The following CYB5R4 variants were observed in gnomAD, a reference collection of about 807,000 sequenced individuals.
CYB5R4 encodes the protein cytochrome b5 reductase 4.
Under a neutral mutation model 70.2 loss-of-function variants are expected in CYB5R4, and 55 were observed. That is an observed-to-expected ratio of 0.78 (90% CI 0.63 to 0.98). The LOEUF is 0.98. Ranked by LOEUF, CYB5R4 falls within the 50% of genes least tolerant of loss-of-function variation. CYB5R4 has a pLI of 0.00. For missense variants in CYB5R4, 562 were observed against 612.6 expected (o/e 0.92, Z 0.87); for synonymous variants, 197 against 199.5 (o/e 0.99, Z 0.11).
At position 83,879,059 on chromosome 6, in the gene CYB5R4, A is replaced by G. The variant is rs114204604; in HGVS notation, c.230-14463A>G. Among the ~76,000 whole-genome samples the G allele has an allele frequency of 2.0e-3, 300 of 152,170 alleles. 3 individuals carry two copies. The highest frequency in any genetic ancestry group is 6.6e-3 in the African/African-American group (275 of 41,520). ...GTAGTGGGGGCAGAAGGGGTTTTGC[A>G]GTTTTCCTGTTTCAGCCTCAGTCTT... is the stretch of plus-strand genomic sequence containing the variant. On this transcript the variant is annotated intron_variant, in intron 2 of 15. Coordinates refer to ENST00000369681, the MANE Select transcript of CYB5R4 (RefSeq NM_016230.4).
chr6:83,938,258 A>G (rs956283287), intron 12 of CYB5R4, among the ~76,000 whole-genome samples: 2 of 152,200 alleles, frequency 1.3e-5, no homozygotes, highest in African/African-American at 4.8e-5. Flanking sequence ...AACTTAAGGA[A>G]TGGTATTATA....
At chr6:83,886,143 A>G (rs531693787) in intron 2 of CYB5R4, among the ~76,000 whole-genome samples, 7 of 152,290 alleles carry the variant, frequency 4.6e-5, no homozygotes, top group Admixed American at 2.6e-4. Context: ...AAGAGTCCCA[A>G]TGCAGTATAG....
intron 1 of CYB5R4, among the ~76,000 whole-genome samples, chr6:83,861,298 C>T (rs1015124947): frequency 6.6e-6 from 1 of 152,198 alleles, no homozygotes; most frequent in African/African-American, 2.4e-5. Flanking sequence ...AAAAGTCAGA[C>T]TCCAGTCTTC....
intron 14 of CYB5R4, among the ~76,000 whole-genome samples, chr6:83,952,492 G>A (rs925668998): frequency 4.6e-5 from 7 of 152,046 alleles, no homozygotes; most frequent in African/African-American, 1.7e-4. Context: ...TTCTTGGAGC[G>A]GGAAAATAAA....
chr6:83,891,483 G>GGAAGGAGAGAAAGAGC (rs1478067512), intron 2 of CYB5R4, among the ~76,000 whole-genome samples: 2 of 152,176 alleles, frequency 1.3e-5, no homozygotes, highest in African/African-American at 4.8e-5. Flanking sequence ...AGGGAGATAA[G>GGAAGGAGAGAAAGAGC]GAAGGAGAGA....
intron 4 of CYB5R4, chr6:83,910,038 T>C (rs1240541276): frequency 1.3e-5 from 21 of 1,612,228 alleles, no homozygotes; most frequent in Non-Finnish European, 1.6e-5. Context: ...CTGGTACGCA[T>C]GCATTGGACA....
At chr6:83,948,701 G>A (rs1411286619) in intron 14 of CYB5R4, among the ~76,000 whole-genome samples, 2 of 152,084 alleles carry the variant, frequency 1.3e-5, no homozygotes, top group Non-Finnish European at 2.9e-5. Flanking sequence ...TAATTGTTAA[G>A]GAAAGTGTTG....
At chr6:83,893,361 A>G (rs962179896) in intron 2 of CYB5R4, among the ~76,000 whole-genome samples, 161 bp from the exon 3 acceptor site, 1 of 152,232 alleles carries the variant, frequency 6.6e-6, no homozygotes, top group African/African-American at 2.4e-5. Context: ...TGCAAGTGTG[A>G]TGAAATCTCA....
chr6:83,929,616 G>C (rs1010764758), intron 10 of CYB5R4: 2 of 151,862 alleles, frequency 1.3e-5, no homozygotes, highest in African/African-American at 4.8e-5. Flanking sequence ...GAGTAGCTCT[G>C]GGGGGTGTGT....
chr6:83,919,348 G>A (rs1376893709), intron 6 of CYB5R4, 49 bp from the exon 7 acceptor site: 2 of 976,288 alleles, frequency 2.0e-6, no homozygotes, highest in Middle Eastern at 2.1e-4. Context: ...ATATGTGAAT[G>A]CACATGATTG....
chr6:83,860,701 A>G (rs2099455798), intron 1 of CYB5R4, among the ~76,000 whole-genome samples: 3 of 151,792 alleles, frequency 2.0e-5, no homozygotes, highest in Non-Finnish European at 2.9e-5. Flanking sequence ...ATCGTTTGGA[A>G]CCCTTATCGA....
At chr6:83,944,264 G>A (rs2099470228) in intron 14 of CYB5R4, among the ~76,000 whole-genome samples, 1 of 152,174 alleles carries the variant, frequency 6.6e-6, no homozygotes, top group Non-Finnish European at 1.5e-5. Context: ...AACCAGAAGA[G>A]ATTGGGGGCC....
chr6:83,929,982 C>T (rs1441071709), intron 10 of CYB5R4, among the ~76,000 whole-genome samples: 2 of 152,086 alleles, frequency 1.3e-5, no homozygotes, highest in Non-Finnish European at 2.9e-5. Flanking sequence ...GCAAGTCACA[C>T]AATTTTTTTG....
intron 3 of CYB5R4, among the ~76,000 whole-genome samples, chr6:83,899,917 CT>C (rs1233668330): frequency 6.6e-6 from 1 of 151,916 alleles, no homozygotes; most frequent in East Asian, 1.9e-4. Flanking sequence ...AAAAAACCAG[CT>C]CCTGGATTCA....
intron 3 of CYB5R4, among the ~76,000 whole-genome samples, chr6:83,901,490 A>G (rs1323121610): frequency 6.6e-6 from 1 of 152,044 alleles, no homozygotes. Flanking sequence ...GTATTTCCTG[A>G]ATTTGAATGT....
chr6:83,876,958 C>G (rs1393998490), intron 2 of CYB5R4, among the ~76,000 whole-genome samples: 1 of 152,062 alleles, frequency 6.6e-6, no homozygotes, highest in African/African-American at 2.4e-5. Context: ...CTCAGCCTCC[C>G]CAGTCTGGGA....
chr6:83,894,564 C>T (rs901523191), intron 3 of CYB5R4, among the ~76,000 whole-genome samples: 12 of 152,228 alleles, frequency 7.9e-5, no homozygotes, highest in Admixed American at 4.6e-4. Flanking sequence ...TGCCAACACC[C>T]TCACTCTCCC....
At position 83,865,322 on chromosome 6, in the gene CYB5R4, A is replaced by G. The variant is rs563438763; in HGVS notation, c.229+994A>G. ...TAAATGCTGTATTAATTTCCTATGG[A>G]TGCCGTAACAAAGGACCACAAACTA... On this transcript the variant is annotated intron_variant, in intron 2 of 15. Coordinates refer to ENST00000369681, the MANE Select transcript of CYB5R4 (RefSeq NM_016230.4). Among the ~76,000 whole-genome samples, 4 of 152,320 alleles carry G rather than the reference A, an allele frequency of 2.6e-5. No individual in the cohort carries two copies. The South Asian group carries it at 8.3e-4, about 32-fold the overall frequency.
At chr6:83,946,270 T>C (rs1258685258) in intron 14 of CYB5R4, among the ~76,000 whole-genome samples, 1 of 152,168 alleles carries the variant, frequency 6.6e-6, no homozygotes, top group African/African-American at 2.4e-5. Context: ...TGATTCAACA[T>C]ACACAAATCA....
Sources: allele counts gnomAD v4.1 joint callset (sites outside exome capture counted in the v4.1 genomes callset), GRCh38; gene constraint gnomAD v4.1.1; transcripts MANE v1.5; gene names NCBI Gene and HGNC (gene_info 2026-07-23, HGNC 2026-07-21).